The following IL2RA variants were observed in gnomAD, a reference collection of about 807,000 sequenced individuals.
IL2RA encodes interleukin-2 receptor subunit alpha.
Under a neutral mutation model 37.8 loss-of-function variants are expected in IL2RA, and 24 were observed. That is an observed-to-expected ratio of 0.63 (90% CI 0.46 to 0.89). IL2RA has a LOEUF of 0.89. Among genes scored for constraint, IL2RA ranks in the 40% least tolerant of loss-of-function variants. The pLI is 0.00. For missense variants in IL2RA, 319 were observed against 348.6 expected, an observed-to-expected ratio of 0.92 and a Z score of 0.68; for synonymous variants, 125 against 114.6, an observed-to-expected ratio of 1.09 and a Z score of -0.58.
At chr10:6,061,081 T>G (rs1840114705) in intron 1 of IL2RA, among the ~76,000 whole-genome samples, 1 of 152,160 alleles carries the variant, frequency 6.6e-6, no homozygotes, top group Non-Finnish European at 1.5e-5. Flanking sequence ...AGTTGGTGGT[T>G]TTTTATTTCT....
chr10:6,034,941 G>A (rs1387844715), intron 1 of IL2RA, among the ~76,000 whole-genome samples: 2 of 152,228 alleles, frequency 1.3e-5, no homozygotes, highest in African/African-American at 4.8e-5. Context: ...CACGATTCTG[G>A]ATGTAGACAT....
chr10:6,039,561 G>A (rs1347755313), intron 1 of IL2RA: 1 of 151,982 alleles, frequency 6.6e-6, no homozygotes, highest in South Asian at 2.1e-4. Context: ...ACATTTACAA[G>A]GCAGTAGAGG....
Position 6,021,533 on chromosome 10 carries a change from C to G in IL2RA, c.528G>C (p.Arg176Ser). 1.2e-6 allele frequency: 2 copies of G among 1,614,146 alleles called. No individual in the cohort carries two copies. Among genetic ancestry groups the G allele is most frequent in the African/African-American group, 2.7e-5 (2 of 75,026 alleles). ...SVCKMTHGKT[R>S]WTQPQLICTG... ...TGCATATGAGCTGGGGCTGGGTCCA[C>G]CTTGTCTTCCCGTGGGTCATTTTGC... is the stretch of plus-strand genomic sequence containing the variant. The change falls in exon 4 of 8, where the codon AGG becomes AGC. Residue 176 changes from arginine (R) to serine (S), a missense_variant. Transcript: ENST00000379959. The surrounding 1 kb of genome is among the most constrained non-coding windows in gnomAD (Gnocchi z 4.9).
rs1477283924 is a variant in IL2RA, at chr10:6,015,101, T to C, written c.795-2205A>G. 6.9e-6 allele frequency among the ~76,000 whole-genome samples: 1 copy of C among 144,688 alleles called. No homozygotes were observed. Among genetic ancestry groups the C allele is most frequent in the Non-Finnish European group, 1.5e-5 (1 of 66,168 alleles). 94.9% of individuals were successfully genotyped at this position (144,688 alleles called of 152,430 possible). On this transcript the variant is annotated intron_variant, in intron 7 of 7. Coordinates refer to ENST00000379959, the MANE Select transcript of IL2RA (RefSeq NM_000417.3). The surrounding 1 kb of genome is among the most constrained non-coding windows in gnomAD (Gnocchi z 4.9). The stretch of plus-strand genomic sequence containing the variant: ...CTTTCTTTTCTTTTTTCTTTCTTTC[T>C]TTTTTTTTTTAAACAGAGTCTTGCT...
intron 1 of IL2RA, among the ~76,000 whole-genome samples, chr10:6,040,994 A>G (rs374143301): frequency 2.0e-5 from 3 of 152,224 alleles, no homozygotes; most frequent in South Asian, 4.1e-4. Flanking sequence ...ACAGTTGTCA[A>G]TCCTTAGTTG....
intron 1 of IL2RA, among the ~76,000 whole-genome samples, chr10:6,053,083 T>C (rs534565847): frequency 6.6e-6 from 1 of 152,322 alleles, no homozygotes; most frequent in South Asian, 2.1e-4. Flanking sequence ...CAGTGGGCAT[T>C]ACTCACAGCC....
chr10:6,021,900 G>A lies in IL2RA; in HGVS notation c.368-207C>T, dbSNP rs1839394461. On this transcript the variant is annotated intron_variant, in intron 3 of 7. Coordinates refer to ENST00000379959, the MANE Select transcript of IL2RA (RefSeq NM_000417.3). The surrounding 1 kb of genome is among the most constrained non-coding windows in gnomAD (Gnocchi z 4.9). ...AAGGCACGAAGACCCTGTCACTCCT[G>A]CAAGGGGTGGACAGTGGATTGGGTA... is the stretch of plus-strand genomic sequence containing the variant. 6.6e-6 allele frequency among the ~76,000 whole-genome samples: 1 copy of A among 152,194 alleles called. No individual in the cohort carries two copies. Among genetic ancestry groups the A allele is most frequent in the African/African-American group, 2.4e-5 (1 of 41,432 alleles).
Position 6,025,180 on chromosome 10 carries a change from C to T in IL2RA, c.256+654G>A, listed in dbSNP as rs553936676. Among the ~76,000 whole-genome samples the T allele has an allele frequency of 6.6e-6, 1 of 151,830 alleles. No individual in the cohort carries two copies. The highest frequency in any genetic ancestry group is 1.5e-5 in the Non-Finnish European group (1 of 67,986). On this transcript the variant is annotated intron_variant, in intron 2 of 7. Coordinates refer to ENST00000379959, the MANE Select transcript of IL2RA (RefSeq NM_000417.3). This position sits in a 1 kb window ranked among gnomAD's most constrained non-coding sequence, Gnocchi z 4.4. ...ACCAGCCTGGCCAACATGGCGAAAC[C>T]CCATCTTTGCTAAAAATAAAAAAAT...
At chr10:6,061,260 GC>G (rs766276176) in intron 1 of IL2RA, among the ~76,000 whole-genome samples, 8 of 151,994 alleles carry the variant, frequency 5.3e-5, no homozygotes, top group Non-Finnish European at 8.8e-5. Flanking sequence ...GGTGGCGTAT[GC>G]CTGTAGTCCC....
chr10:6,026,927 A>C (rs4607966), intron 1 of IL2RA, among the ~76,000 whole-genome samples: 1 of 152,112 alleles, frequency 6.6e-6, no homozygotes, highest in African/African-American at 2.4e-5. Context: ...CATTCAGGTT[A>C]AGTGAAGCTT....
intron 1 of IL2RA, among the ~76,000 whole-genome samples, chr10:6,049,271 A>G (rs1839910811): frequency 6.6e-6 from 1 of 152,218 alleles, no homozygotes; most frequent in African/African-American, 2.4e-5. Context: ...GCTTGAACAG[A>G]GAGAATGCAA....
At chr10:6,030,345 G>T (rs945302853) in intron 1 of IL2RA, among the ~76,000 whole-genome samples, 1 of 152,142 alleles carries the variant, frequency 6.6e-6, no homozygotes, top group Non-Finnish European at 1.5e-5. Context: ...TATATACATC[G>T]TAGCTAAACT....
chr10:6,043,443 T>C (rs1262603409), intron 1 of IL2RA, among the ~76,000 whole-genome samples: 2 of 151,560 alleles, frequency 1.3e-5, no homozygotes, highest in East Asian at 3.8e-4. Flanking sequence ...TTTGTGTTTG[T>C]TTTGTTTTTT....
Position 6,014,653 on chromosome 10 carries a change from C to T in IL2RA, c.795-1757G>A, listed in dbSNP as rs1480882241. ...AAGGAGAGGATGCAAGTACTGAGTACACGTACAACATGTCAGCCACGTCAC... is the reference window on the plus strand; with the variant it reads ...AAGGAGAGGATGCAAGTACTGAGTATACGTACAACATGTCAGCCACGTCAC... On this transcript the variant is annotated intron_variant, in intron 7 of 7. Transcript: ENST00000379959. This position sits in a 1 kb window ranked among gnomAD's most constrained non-coding sequence, Gnocchi z 4.4. Among the ~76,000 whole-genome samples, 1 of 152,168 alleles carries T rather than the reference C, an allele frequency of 6.6e-6. No homozygotes were observed. Among genetic ancestry groups the T allele is most frequent in the Non-Finnish European group, 1.5e-5 (1 of 68,036 alleles).
Position 6,047,054 on chromosome 10 carries a change from G to A in IL2RA, c.64+15034C>T, listed in dbSNP as rs1347201104. On this transcript the variant is annotated intron_variant, in intron 1 of 7. Coordinates refer to ENST00000379959, the MANE Select transcript of IL2RA (RefSeq NM_000417.3). The surrounding 1 kb of genome is among the most constrained non-coding windows in gnomAD (Gnocchi z 5.0). ...AGCCACAGAATGTTAGGACTGAAAGGGACAAAGACCCTCTCCATGTCTCTG... is the reference window on the plus strand; with the variant it reads ...AGCCACAGAATGTTAGGACTGAAAGAGACAAAGACCCTCTCCATGTCTCTG... Among the ~76,000 whole-genome samples the A allele has an allele frequency of 6.6e-6, 1 of 152,150 alleles. No individual in the cohort carries two copies. Among genetic ancestry groups the A allele is most frequent in the East Asian group, 1.9e-4 (1 of 5,192 alleles).
chr10:6,044,394 T>C lies in IL2RA; in HGVS notation c.64+17694A>G, dbSNP rs769720615. Among the ~76,000 whole-genome samples the C allele has an allele frequency of 1.6e-4, 25 of 152,240 alleles. No homozygotes were observed. Among genetic ancestry groups the C allele is most frequent in the Admixed American group, 1.4e-3 (22 of 15,286 alleles). On this transcript the variant is annotated intron_variant, in intron 1 of 7. Transcript: ENST00000379959. This position sits in a 1 kb window ranked among gnomAD's most constrained non-coding sequence, Gnocchi z 4.5. ...AGTAGTAGGTCAGGGCAGTTTTGCA[T>C]TCATATTTATATCTGCTTTTAATTA...
At position 6,018,645 on chromosome 10, in the gene IL2RA, C is replaced by T. The variant is rs1839319532; in HGVS notation, c.728-526G>A. On this transcript the variant is annotated intron_variant, in intron 6 of 7. Transcript: ENST00000379959. This position sits in a 1 kb window ranked among gnomAD's most constrained non-coding sequence, Gnocchi z 5.1. ...CTGGCTACGTGGCTCCTTCCTCCCA[C>T]TCTTGACCCCTGGCAGAGGCCCGGG... is the stretch of plus-strand genomic sequence containing the variant. Among the ~76,000 whole-genome samples the T allele has an allele frequency of 6.6e-6, 1 of 152,140 alleles. No individual in the cohort carries two copies. Among genetic ancestry groups the T allele is most frequent in the South Asian group, 2.1e-4 (1 of 4,830 alleles).
chr10:6,050,661 G>A (rs1487569755), intron 1 of IL2RA, among the ~76,000 whole-genome samples: 1 of 152,122 alleles, frequency 6.6e-6, no homozygotes. Context: ...AGGTGGTTGG[G>A]GTGGGGGAAT....
rs948471323 is a variant in IL2RA at position 6,022,511 on chromosome 10, G to A, written c.368-818C>T. On this transcript the variant is annotated intron_variant, in intron 3 of 7. Coordinates refer to ENST00000379959, the MANE Select transcript of IL2RA (RefSeq NM_000417.3). The surrounding 1 kb of genome is among the most constrained non-coding windows in gnomAD (Gnocchi z 4.7). The stretch of plus-strand genomic sequence containing the variant: ...CTCTAACCCCAGCCTGTGAAACTGC[G>A]CACGTGCTCTGAACTTCCAGACTCT... Among the ~76,000 whole-genome samples the A allele has an allele frequency of 1.2e-4, 19 of 152,110 alleles. No individual in the cohort carries two copies. Among genetic ancestry groups the A allele is most frequent in the African/African-American group, 4.3e-4 (18 of 41,416 alleles).
Sources: allele counts gnomAD v4.1 joint callset (sites outside exome capture counted in the v4.1 genomes callset), GRCh38; gene constraint gnomAD v4.1.1; non-coding constraint Gnocchi (gnomAD v3.1); transcripts MANE v1.5; gene names NCBI Gene and HGNC (gene_info 2026-07-23, HGNC 2026-07-21).